The following ERCC6 variants were observed in gnomAD, a reference collection of about 807,000 sequenced individuals.
ERCC6 encodes DNA excision repair protein ERCC-6.
In ERCC6, 116 loss-of-function variants were observed where a neutral mutation model predicts 158.7. That is an observed-to-expected ratio of 0.73 (90% CI 0.63 to 0.85). The LOEUF is 0.85. ERCC6 is among the 40% of genes least tolerant of loss of function. The pLI is 0.00. For synonymous variants in ERCC6, 678 were observed against 659.3 expected, an observed-to-expected ratio of 1.03 and a Z score of -0.43; for missense variants, 1,698 against 1,799.4, an observed-to-expected ratio of 0.94 and a Z score of 1.02.
chr10:49,451,118 T>C (rs1850415869), downstream of ERCC6, among the ~76,000 whole-genome samples: 1 of 152,106 alleles, frequency 6.6e-6, no homozygotes, highest in African/African-American at 2.4e-5. Context: ...GCCCAACTGA[T>C]TTTTAAATAC....
At chr10:49,446,665 C>A in the ERCC6 span, among the ~76,000 whole-genome samples, 1 of 152,080 alleles carries the variant, frequency 6.6e-6, no homozygotes, top group Non-Finnish European at 1.5e-5. Flanking sequence ...GTAGCCCCAG[C>A]CTCTTGGGAG....
intron 8 of ERCC6, among the ~76,000 whole-genome samples, chr10:49,491,785 A>T (rs1029017727): frequency 1.3e-5 from 2 of 152,222 alleles, no homozygotes; most frequent in African/African-American, 4.8e-5. Flanking sequence ...TTGCCTTTAT[A>T]AGACAAACAT....
chr10:49,443,239 G>A, the ERCC6 span, among the ~76,000 whole-genome samples: 2 of 152,156 alleles, frequency 1.3e-5, no homozygotes, highest in African/African-American at 4.8e-5. Context: ...TAAATTAAGT[G>A]TTTATAAACT....
At position 49,538,979 on chromosome 10, in the gene ERCC6, C is replaced by T. The variant is rs1215179845; in HGVS notation, c.-32G>A. 2.0e-5 allele frequency: 3 copies of T among 152,658 alleles called. No homozygotes were observed. 9.5% of individuals were successfully genotyped at this position (152,658 alleles called of 1,614,324 possible). A position where few individuals can be genotyped will look rare whatever the true frequency, so the allele number is the denominator to read the frequency against. On this transcript the variant is annotated 5_prime_UTR_variant, in exon 1 of 21. Transcript: ENST00000355832. The stretch of plus-strand genomic sequence containing the variant: ...ACACTCACCCAGGGCCGCGCGAGCG[C>T]CCACAAGGAAACAGAGACGCTACCG...
At chr10:49,476,921 C>A (rs1482372674) in intron 11 of ERCC6, among the ~76,000 whole-genome samples, 1 of 152,172 alleles carries the variant, frequency 6.6e-6, no homozygotes, top group South Asian at 2.1e-4. Context: ...CCCCTTTCAA[C>A]CCCCTGCATC....
intron 1 of ERCC6, among the ~76,000 whole-genome samples, chr10:49,537,658 TC>T (rs1837634126): frequency 6.6e-6 from 1 of 151,928 alleles, no homozygotes. Flanking sequence ...TAAAGTGACA[TC>T]TGATAAGTCA....
intron 8 of ERCC6, among the ~76,000 whole-genome samples, chr10:49,484,279 AAAAAAAAAAAAAG>A (rs1462618434): frequency 0.023 from 2,085 of 92,376 alleles, 40 homozygotes; most frequent in African/African-American, 0.073. Flanking sequence ...ACTCTGCCTC[AAAAAAAAAAAAAG>A]AAAAAAAAAA....
At chr10:49,490,543 C>T (rs951160469) in intron 8 of ERCC6, among the ~76,000 whole-genome samples, 1 of 152,014 alleles carries the variant, frequency 6.6e-6, no homozygotes, top group African/African-American at 2.4e-5. Flanking sequence ...TTAGTACAGA[C>T]AGGGTTTCAC....
At position 49,472,420 on chromosome 10, in the gene ERCC6, G is replaced by A. The variant is rs2132539487; in HGVS notation, c.2880C>T (p.Tyr960=). 1 of 1,614,118 alleles carries A rather than the reference G, an allele frequency of 6.2e-7. No individual in the cohort carries two copies. The highest frequency in any genetic ancestry group is 2.2e-5 in the East Asian group (1 of 44,874). Residue 960 remains tyrosine, a synonymous_variant, in exon 16 of 21, where the codon TAC becomes TAT. Coordinates refer to ENST00000355832, the MANE Select transcript of ERCC6 (RefSeq NM_000124.4). Reference sequence around the variant, plus strand: ...CAATGGTGCCCGCAGTCAGGAGCCTGTACACAGTCACTTGCTTCTTCTGGC... The same window carrying A: ...CAATGGTGCCCGCAGTCAGGAGCCTATACACAGTCACTTGCTTCTTCTGGC... The part of the protein sequence containing the change: ...RIGQKKQVTV[Y]RLLTAGTIEE...
At chr10:49,436,479 A>T in the ERCC6 span, among the ~76,000 whole-genome samples, 2 of 152,324 alleles carry the variant, frequency 1.3e-5, no homozygotes, top group Non-Finnish European at 1.5e-5. Context: ...ACAAATCAAT[A>T]AGAGAAGGAC....
At chr10:49,499,302 A>G (rs1399674732) in intron 7 of ERCC6, among the ~76,000 whole-genome samples, 1 of 152,162 alleles carries the variant, frequency 6.6e-6, no homozygotes, top group Non-Finnish European at 1.5e-5. Flanking sequence ...ATATTCTAAA[A>G]CTCCAAACAC....
chr10:49,505,334 A>G (rs1851425298), intron 6 of ERCC6: 1 of 152,838 alleles, frequency 6.5e-6, no homozygotes, highest in Non-Finnish European at 1.5e-5. Flanking sequence ...CAACTTAATC[A>G]TCAAGGTGTT....
chr10:49,475,378 A>C (rs933531715), intron 12 of ERCC6: 4 of 441,506 alleles, frequency 9.1e-6, no homozygotes, highest in African/African-American at 8.0e-5. Flanking sequence ...TACAATTCCA[A>C]GTGTAGTTTG....
chr10:49,500,170 G>A (rs1851332960), intron 7 of ERCC6, among the ~76,000 whole-genome samples: 1 of 152,090 alleles, frequency 6.6e-6, no homozygotes, highest in Admixed American at 6.5e-5. Context: ...GGAACTAAAG[G>A]TATTATGTCT....
intron 6 of ERCC6, chr10:49,501,032 G>A (rs1222910800): frequency 4.5e-5 from 11 of 244,278 alleles, no homozygotes; most frequent in South Asian, 1.1e-4. Flanking sequence ...ACTTTCTGGG[G>A]GAAAAAATCC....
intron 5 of ERCC6, among the ~76,000 whole-genome samples, chr10:49,513,020 C>A (rs1164756522): frequency 6.6e-6 from 1 of 152,208 alleles, no homozygotes; most frequent in Non-Finnish European, 1.5e-5. Flanking sequence ...CACAGACCCT[C>A]ATTTCAAGCA....
At chr10:49,499,062 T>A (rs1851313204) in intron 7 of ERCC6, among the ~76,000 whole-genome samples, 1 of 152,162 alleles carries the variant, frequency 6.6e-6, no homozygotes, top group Non-Finnish European at 1.5e-5. Flanking sequence ...AAATTAACAG[T>A]CATAGATAAG....
At chr10:49,525,576 C>G (rs765582564) in intron 4 of ERCC6, among the ~76,000 whole-genome samples, 14 of 152,120 alleles carry the variant, frequency 9.2e-5, no homozygotes, top group Non-Finnish European at 2.1e-4. Flanking sequence ...ACCAAAATAC[C>G]AAAAGACCTA....
chr10:49,443,495 A>G, the ERCC6 span, among the ~76,000 whole-genome samples: 1 of 152,160 alleles, frequency 6.6e-6, no homozygotes, highest in African/African-American at 2.4e-5. Context: ...ATTGCAGTGC[A>G]ATATATTATG....
Sources: allele counts gnomAD v4.1 joint callset (sites outside exome capture counted in the v4.1 genomes callset), GRCh38; gene constraint gnomAD v4.1.1; transcripts MANE v1.5; gene names NCBI Gene and HGNC (gene_info 2026-07-23, HGNC 2026-07-21).